The following CLEC19A variants were observed in gnomAD, a reference collection of about 807,000 sequenced individuals.
CLEC19A encodes C-type lectin domain family 19 member A.
In CLEC19A, 21 loss-of-function variants were observed where a neutral mutation model predicts 26.1. The ratio of observed to expected loss-of-function variants is 0.80; its 90% CI spans 0.57 to 1.16. CLEC19A has a LOEUF of 1.16. CLEC19A is among the 50% of genes most tolerant of loss of function. CLEC19A has a pLI of 0.00. For missense variants in CLEC19A, 224 were observed against 227.6 expected (o/e 0.98, Z 0.10); for synonymous variants, 89 against 88.6 (o/e 1.00, Z -0.03).
In CLEC19A at chr16:19,285,917, A is replaced by G; in HGVS notation, c.66A>G (p.Gln22=). Residue 22 remains glutamine (Q), a synonymous_variant, in exon 1 of 5, where the codon CAA becomes CAG. Coordinates refer to ENST00000636231, the MANE Select transcript of CLEC19A (RefSeq NM_001256720.2). ...TCCACTCTGCACAGGCCTTTCCACAAACAGACATCAGTATCAGTCCAGGTA... is the reference window on the plus strand; with the variant it reads ...TCCACTCTGCACAGGCCTTTCCACAGACAGACATCAGTATCAGTCCAGGTA... The part of the protein sequence containing the change: ...LTLHSAQAFP[Q]TDISISPALP... The G allele has an allele frequency of 5.2e-6, 8 of 1,550,506 alleles. No homozygotes were observed. Among genetic ancestry groups the G allele is most frequent in the Non-Finnish European group, 7.0e-6 (8 of 1,146,942 alleles).
chr16:19,305,811 C>T (rs1418674047), intron 3 of CLEC19A, among the ~76,000 whole-genome samples: 2 of 151,996 alleles, frequency 1.3e-5, no homozygotes, highest in Non-Finnish European at 2.9e-5. Context: ...TGTAGTCAGA[C>T]CTGAGTTTTT....
At chr16:19,303,976 G>A in intron 2 of CLEC19A, 86 bp from the exon 3 acceptor site, 1 of 1,146,068 alleles carries the variant, frequency 8.7e-7, no homozygotes. Context: ...GTCCAGGAAG[G>A]TAAATATGGA....
At chr16:19,292,653 A>G (rs989744849) in intron 1 of CLEC19A, among the ~76,000 whole-genome samples, 2 of 152,196 alleles carry the variant, frequency 1.3e-5, no homozygotes, top group Admixed American at 6.5e-5. Context: ...GTGAATGTTG[A>G]GGTGCAAGGG....
chr16:19,300,689 G>T (rs1015170372), intron 2 of CLEC19A, among the ~76,000 whole-genome samples: 12 of 152,266 alleles, frequency 7.9e-5, no homozygotes, highest in African/African-American at 2.9e-4. Context: ...AGACAGTCAG[G>T]GTCCAACCAG....
At position 19,304,385 on chromosome 16, in the gene CLEC19A, T is replaced by C. The variant is rs1897905378; in HGVS notation, c.348+230T>C. On this transcript the variant is annotated intron_variant, in intron 3 of 4. Coordinates refer to ENST00000636231, the MANE Select transcript of CLEC19A (RefSeq NM_001256720.2). ...CATGGTCAGAGAAAACCTGTTTGGC[T>C]TGGGTTCTCTTAAAAAAAAAAAAAA... The C allele has an allele frequency of 3.4e-5, 11 of 323,930 alleles. 1 individual carries two copies. In the South Asian group the frequency reaches 5.0e-4, roughly 15 times the overall value. 20.1% of individuals were successfully genotyped at this position (323,930 alleles called of 1,614,324 possible).
chr16:19,302,008 A>G (rs1897846650), intron 2 of CLEC19A, among the ~76,000 whole-genome samples: 2 of 151,958 alleles, frequency 1.3e-5, no homozygotes, highest in African/African-American at 4.8e-5. Context: ...ATTAGTTATA[A>G]TAAACTATAA....
intron 2 of CLEC19A, 102 bp from the exon 3 acceptor site, chr16:19,303,960 A>C: frequency 2.2e-6 from 2 of 913,860 alleles, no homozygotes; most frequent in East Asian, 5.3e-5. Flanking sequence ...TCCTCTATTT[A>C]CTTTGGTCCA....
intron 1 of CLEC19A, among the ~76,000 whole-genome samples, chr16:19,295,635 A>T (rs1328902130): frequency 6.6e-6 from 1 of 152,202 alleles, no homozygotes; most frequent in Non-Finnish European, 1.5e-5. Flanking sequence ...AAAGTGGTTT[A>T]TCACCAGCAA....
chr16:19,288,130 T>C (rs962292926), intron 1 of CLEC19A, among the ~76,000 whole-genome samples: 2 of 152,208 alleles, frequency 1.3e-5, no homozygotes, highest in African/African-American at 4.8e-5. Flanking sequence ...CAGAGGCCAA[T>C]TGAGCCAACC....
rs1233695871 is a variant in CLEC19A, at chr16:19,310,188, G to T, written c.*1105G>T. The stretch of plus-strand genomic sequence containing the variant: ...ACAGGTATTTAAATATAAGTGGTCG[G>T]CCAGGTGTAGTGGCTCATGCCTGTA... On this transcript the variant is annotated 3_prime_UTR_variant, in exon 5 of 5. Transcript: ENST00000636231. 1 of 152,096 alleles carries T rather than the reference G, an allele frequency of 6.6e-6. No homozygotes were observed. The highest frequency in any genetic ancestry group is 1.5e-5 in the Non-Finnish European group (1 of 68,030). The allele number at this position is 152,096 out of a possible 1,614,324, so 9.4% of individuals were successfully genotyped here.
intron 1 of CLEC19A, among the ~76,000 whole-genome samples, chr16:19,296,173 C>A (rs1047769590): frequency 6.6e-6 from 1 of 152,116 alleles, no homozygotes; most frequent in Non-Finnish European, 1.5e-5. Flanking sequence ...GGGAGGTACC[C>A]CTGGTCAGCA....
intron 1 of CLEC19A, among the ~76,000 whole-genome samples, 176 bp downstream of exon 1, chr16:19,286,115 A>G (rs1897463597): frequency 6.6e-6 from 1 of 152,214 alleles, no homozygotes; most frequent in African/African-American, 2.4e-5. Context: ...CCAGACACAA[A>G]AAGTCCTGGG....
chr16:19,304,379 T>G, intron 3 of CLEC19A: 1 of 390,396 alleles, frequency 2.6e-6, no homozygotes, highest in African/African-American at 2.2e-5. Context: ...AGAAAACCTG[T>G]TTGGCTTGGG....
chr16:19,288,315 T>C (rs1041501177), intron 1 of CLEC19A, among the ~76,000 whole-genome samples: 58 of 152,202 alleles, frequency 3.8e-4, no homozygotes, highest in African/African-American at 1.3e-3. Context: ...TGGTATGTTG[T>C]AGGGAGGATT....
At chr16:19,288,854 G>A (rs1897524971) in intron 1 of CLEC19A, among the ~76,000 whole-genome samples, 1 of 152,148 alleles carries the variant, frequency 6.6e-6, no homozygotes, top group Non-Finnish European at 1.5e-5. Flanking sequence ...TGCTTCTGCA[G>A]GGCTTCAGAA....
chr16:19,286,048 C>G (rs772090000), intron 1 of CLEC19A, 109 bp downstream of exon 1: 123 of 1,020,946 alleles, frequency 1.2e-4, no homozygotes, highest in Non-Finnish European at 1.7e-4. Flanking sequence ...GGTGGCCTGA[C>G]CCGAGTCTCC....
At chr16:19,295,872 A>G (rs916024978) in intron 1 of CLEC19A, among the ~76,000 whole-genome samples, 20 of 152,220 alleles carry the variant, frequency 1.3e-4, no homozygotes, top group African/African-American at 4.8e-4. Context: ...CAAAGAGCTC[A>G]GCAACACCCA....
At position 19,304,174 on chromosome 16, in the gene CLEC19A, T is replaced by C. The variant is rs888159305; in HGVS notation, c.348+19T>C. 3.4e-5 allele frequency: 52 copies of C among 1,540,792 alleles called. 1 individual carries two copies. The highest frequency in any genetic ancestry group is 1.7e-5 in the Non-Finnish European group (19 of 1,138,206). On this transcript the variant is annotated intron_variant, in intron 3 of 4. Transcript: ENST00000636231. ...CAGACAGGTGAGAAAGCAGTGGCCA[T>C]TGGGCCCCCTTGGAAGCTCCAGCCA...
intron 1 of CLEC19A, among the ~76,000 whole-genome samples, chr16:19,288,971 A>T (rs1169934372): frequency 2.0e-5 from 3 of 152,136 alleles, no homozygotes; most frequent in Admixed American, 2.0e-4. Flanking sequence ...GACTGTTTCT[A>T]CTGTAATAAT....
Sources: allele counts gnomAD v4.1 joint callset (sites outside exome capture counted in the v4.1 genomes callset), GRCh38; gene constraint gnomAD v4.1.1; transcripts MANE v1.5; gene names NCBI Gene and HGNC (gene_info 2026-07-23, HGNC 2026-07-21).